The following PTPRA variants were observed in gnomAD, a reference collection of about 807,000 sequenced individuals.
PTPRA encodes receptor-type tyrosine-protein phosphatase alpha.
A neutral mutation model predicts 104.8 loss-of-function variants in PTPRA; 25 were observed. That is an observed-to-expected ratio of 0.24 (90% CI 0.17 to 0.33). The LOEUF is 0.33. Among genes scored for constraint, PTPRA ranks in the 10% least tolerant of loss-of-function variants. The pLI is 1.00. For missense variants in PTPRA, 765 were observed against 1,015.3 expected (o/e 0.75, Z 3.35); for synonymous variants, 323 against 368.9 (o/e 0.88, Z 1.43).
intron 1 of PTPRA, among the ~76,000 whole-genome samples, chr20:2,884,307 T>C (rs1033594485): frequency 6.6e-6 from 1 of 152,194 alleles, no homozygotes; most frequent in Non-Finnish European, 1.5e-5. Flanking sequence ...TTTGAGGGGC[T>C]GTCAAACTGT....
At chr20:2,988,542 T>A (rs994999573) in intron 9 of PTPRA, 68 bp downstream of exon 9, 3 of 1,559,444 alleles carry the variant, frequency 1.9e-6, no homozygotes, top group Non-Finnish European at 2.6e-6. Flanking sequence ...ACCTTTCAGA[T>A]CTTTGGAGTC....
chr20:2,947,541 C>T (rs2061179866), intron 2 of PTPRA, among the ~76,000 whole-genome samples: 1 of 152,178 alleles, frequency 6.6e-6, no homozygotes, highest in African/African-American at 2.4e-5. Flanking sequence ...TCACCCTGCT[C>T]ATAAAAGGTC....
intron 9 of PTPRA, among the ~76,000 whole-genome samples, chr20:2,997,218 T>C (rs1600229766): frequency 2.0e-5 from 3 of 152,228 alleles, no homozygotes; most frequent in Admixed American, 2.0e-4. Context: ...TTTTTTTAAG[T>C]CTGAAAGACT....
At chr20:2,910,117 TGTATA>T (rs1249264195) in intron 1 of PTPRA, among the ~76,000 whole-genome samples, 1 of 121,754 alleles carries the variant, frequency 8.2e-6, no homozygotes, top group Non-Finnish European at 1.6e-5. Context: ...TAATATATGA[TGTATA>T]GTATATATGA....
At chr20:2,957,937 T>C (rs1051080389) in intron 3 of PTPRA, among the ~76,000 whole-genome samples, 2 of 151,846 alleles carry the variant, frequency 1.3e-5, no homozygotes, top group African/African-American at 2.4e-5. Context: ...ACAACCCTTA[T>C]GAGTTATTTG....
rs2062719010 is a variant in PTPRA, at chr20:2,982,441, TA to T, written c.443-4323del. 2.6e-5 allele frequency among the ~76,000 whole-genome samples: 4 copies of T among 152,294 alleles called. No homozygotes were observed. In the South Asian group the frequency reaches 8.3e-4, roughly 32 times the overall value. On this transcript the variant is annotated intron_variant, in intron 6 of 23. Transcript: ENST00000399903. ...ACAAAGACATTTAGTGATAAATTACTATTTTTTTTTGTTCTTTGGCTCAACG... is the reference window on the plus strand; with the variant it reads ...ACAAAGACATTTAGTGATAAATTACTTTTTTTTTTGTTCTTTGGCTCAACG...
At chr20:2,865,072 T>C in the PTPRA span, 3 of 1,614,132 alleles carry the variant, frequency 1.9e-6, no homozygotes, top group Admixed American at 3.3e-5. The surrounding 1 kb of genome is among the most constrained non-coding windows in gnomAD (Gnocchi z 5.2). Context: ...CCCACCTTTT[T>C]CCAAGAGCCT....
At chr20:3,029,890 G>T (rs188561852) in intron 20 of PTPRA, among the ~76,000 whole-genome samples, 43 of 152,230 alleles carry the variant, frequency 2.8e-4, no homozygotes, top group African/African-American at 1.0e-3. Flanking sequence ...GCTTGGCTTT[G>T]CACTCAAGGA....
At chr20:2,899,924 T>C (rs577259717) in intron 1 of PTPRA, among the ~76,000 whole-genome samples, 231 of 152,198 alleles carry the variant, frequency 1.5e-3, no homozygotes, top group Non-Finnish European at 2.7e-3. Flanking sequence ...CTGGCCAACA[T>C]GATGAAACCC....
At chr20:3,006,275 T>A (rs1421891188) in intron 10 of PTPRA, among the ~76,000 whole-genome samples, 1 of 152,194 alleles carries the variant, frequency 6.6e-6, no homozygotes, top group Non-Finnish European at 1.5e-5. Context: ...TATCCTCGAA[T>A]TCCTGGGCTC....
chr20:2,869,457 T>G (rs2089402185), upstream of PTPRA, among the ~76,000 whole-genome samples: 1 of 152,242 alleles, frequency 6.6e-6, no homozygotes, highest in Admixed American at 6.5e-5. Context: ...TGGGATTTTC[T>G]TTTTTCAAAT....
At chr20:2,930,804 A>C (rs2060475969) in intron 2 of PTPRA, among the ~76,000 whole-genome samples, 1 of 152,216 alleles carries the variant, frequency 6.6e-6, no homozygotes, top group East Asian at 1.9e-4. Context: ...TTTCCAAATA[A>C]GGTCACATCC....
At chr20:2,940,300 A>G (rs1308546334) in intron 2 of PTPRA, among the ~76,000 whole-genome samples, 1 of 151,386 alleles carries the variant, frequency 6.6e-6, no homozygotes, top group South Asian at 2.1e-4. Context: ...CCCAATAATT[A>G]TATCTTGTTT....
In PTPRA at chr20:2,948,829, G is replaced by A. The variant is rs377748118; in HGVS notation, c.-7+805G>A. Among the ~76,000 whole-genome samples, 126 of 152,202 alleles carry A rather than the reference G, an allele frequency of 8.3e-4. 3 individuals carry two copies. The South Asian group carries it at 0.021, about 25-fold the overall frequency. On this transcript the variant is annotated intron_variant, in intron 3 of 23. Coordinates refer to ENST00000399903, the MANE Select transcript of PTPRA (RefSeq NM_001385305.1). ...TAGCTGGGCGTGGTGGCGGGCACCT[G>A]TAGTCCCAGCTGCTGGGGAGGCTGA...
At chr20:2,935,195 C>G (rs2060647010) in intron 2 of PTPRA, among the ~76,000 whole-genome samples, 1 of 152,156 alleles carries the variant, frequency 6.6e-6, no homozygotes, top group Non-Finnish European at 1.5e-5. Context: ...CTCTCTATTT[C>G]TATGAATTCA....
intron 9 of PTPRA, among the ~76,000 whole-genome samples, chr20:3,004,671 G>A (rs2063785227): frequency 6.6e-6 from 1 of 152,230 alleles, no homozygotes. Context: ...TCATCTTTGT[G>A]TGGTGGTAAT....
At chr20:2,987,436 A>T (rs1489616913) in intron 7 of PTPRA, among the ~76,000 whole-genome samples, 1 of 152,000 alleles carries the variant, frequency 6.6e-6, no homozygotes, top group East Asian at 1.9e-4. Context: ...TGGTGCATTT[A>T]TTCTCTTCCT....
intron 1 of PTPRA, among the ~76,000 whole-genome samples, chr20:2,918,087 C>CAAAAA (rs149539458): frequency 1.1e-5 from 1 of 94,302 alleles, no homozygotes; most frequent in South Asian, 3.4e-4. Context: ...GACTCTGTCT[C>CAAAAA]AAAAAAAAAA....
chr20:2,865,504 G>A, the PTPRA span: 3 of 1,612,198 alleles, frequency 1.9e-6, no homozygotes, highest in African/African-American at 2.7e-5. The surrounding 1 kb of genome is among the most constrained non-coding windows in gnomAD (Gnocchi z 5.2). Context: ...TGGTGAGGCA[G>A]GGTCCTCCCT....
Sources: gnomAD v4.1 joint callset for allele counts (sites outside exome capture counted in the v4.1 genomes callset) on GRCh38, gnomAD v4.1.1 for gene constraint, Gnocchi (gnomAD v3.1) non-coding constraint, MANE v1.5 for transcripts, NCBI Gene and HGNC (gene_info 2026-07-23, HGNC 2026-07-21) for gene names.